ADAM12: variants seen among roughly 807,000 people sequenced by gnomAD.
The protein encoded by ADAM12 is disintegrin and metalloproteinase domain-containing protein 12.
ADAM12 carries 70 observed loss-of-function variants against 106.4 expected under a neutral mutation model. That is an observed-to-expected ratio of 0.66 (90% CI 0.54 to 0.80). The LOEUF (loss-of-function observed/expected upper bound fraction) is 0.80, where lower values mean the gene tolerates loss of function less well. Among genes scored for constraint, ADAM12 ranks in the 30% least tolerant of loss-of-function variants. ADAM12 has a pLI of 0.00. For missense variants in ADAM12, 1,010 were observed against 1,171.9 expected (o/e 0.86, Z 2.02); for synonymous variants, 420 against 433.5 (o/e 0.97, Z 0.39).
chr10:126,192,228 A>G (rs898075242), intron 3 of ADAM12, among the ~76,000 whole-genome samples: 2 of 152,208 alleles, frequency 1.3e-5, no homozygotes, highest in African/African-American at 4.8e-5. Context: ...AAAAATGAGG[A>G]CAATCTTTTT....
chr10:126,387,951 CG>C, intron 1 of ADAM12, 106 bp downstream of exon 1: 1 of 1,157,524 alleles, frequency 8.6e-7, no homozygotes, highest in Non-Finnish European at 1.1e-6. Context: ...GGAGATGCGC[CG>C]GGGCGCGTCG....
At chr10:126,351,197 C>T (rs183005511) in intron 1 of ADAM12, among the ~76,000 whole-genome samples, 2 of 152,188 alleles carry the variant, frequency 1.3e-5, no homozygotes, top group African/African-American at 2.4e-5. Context: ...GCTCCCCCAC[C>T]CCACCCTGCC....
intron 3 of ADAM12, among the ~76,000 whole-genome samples, chr10:126,253,006 C>T (rs1021350016): frequency 3.9e-5 from 6 of 152,152 alleles, no homozygotes; most frequent in African/African-American, 9.7e-5. Context: ...TATGTGCTCT[C>T]GAAACCCTGA....
intron 5 of ADAM12, among the ~76,000 whole-genome samples, chr10:126,122,991 T>A (rs959459507): frequency 6.6e-6 from 1 of 152,268 alleles, no homozygotes. Context: ...TAGCAATTGT[T>A]ACTTAGTCGT....
intron 1 of ADAM12, among the ~76,000 whole-genome samples, chr10:126,332,863 C>A (rs915987834): frequency 6.6e-6 from 1 of 152,304 alleles, no homozygotes; most frequent in Middle Eastern, 3.4e-3. Flanking sequence ...GGGATTCACA[C>A]GTTGGAATGC....
At chr10:126,134,970 G>C (rs1956377984) in intron 5 of ADAM12, among the ~76,000 whole-genome samples, 2 of 152,224 alleles carry the variant, frequency 1.3e-5, no homozygotes, top group Admixed American at 1.3e-4. Flanking sequence ...TTTTCCTGGG[G>C]AGCACATAAG....
At chr10:126,092,282 G>A (rs1275123239) in intron 11 of ADAM12, among the ~76,000 whole-genome samples, 5 of 152,196 alleles carry the variant, frequency 3.3e-5, no homozygotes, top group African/African-American at 1.2e-4. Flanking sequence ...AGTTCATTGA[G>A]AGTGAGAAAA....
At chr10:126,327,923 C>A (rs1400230836) in intron 2 of ADAM12, among the ~76,000 whole-genome samples, 1 of 152,178 alleles carries the variant, frequency 6.6e-6, no homozygotes, top group Non-Finnish European at 1.5e-5. Flanking sequence ...CCGCATCACT[C>A]CAAGTCTGTC....
At chr10:126,305,531 G>A (rs963473530) in intron 2 of ADAM12, among the ~76,000 whole-genome samples, 1 of 152,094 alleles carries the variant, frequency 6.6e-6, no homozygotes, top group African/African-American at 2.4e-5. Context: ...TTTTTGGGAT[G>A]AGGGAAATAT....
intron 3 of ADAM12, among the ~76,000 whole-genome samples, chr10:126,209,154 G>C (rs1369339015): frequency 1.3e-5 from 2 of 152,210 alleles, no homozygotes; most frequent in Non-Finnish European, 2.9e-5. Flanking sequence ...TATCAACATA[G>C]GAGGGATATT....
chr10:126,125,446 T>C (rs747473077), intron 5 of ADAM12, among the ~76,000 whole-genome samples: 2 of 152,062 alleles, frequency 1.3e-5, no homozygotes, highest in Non-Finnish European at 2.9e-5. Flanking sequence ...GGTTTCACCA[T>C]GTTGGCCAGG....
intron 21 of ADAM12, among the ~76,000 whole-genome samples, chr10:126,030,814 G>T (rs1953959073): frequency 6.6e-6 from 1 of 152,170 alleles, no homozygotes; most frequent in South Asian, 2.1e-4. Context: ...CAAGACCTTG[G>T]TAGCTGTGTT....
chr10:126,128,797 A>G (rs1956252699), intron 5 of ADAM12, among the ~76,000 whole-genome samples: 1 of 125,340 alleles, frequency 8.0e-6, no homozygotes, highest in African/African-American at 3.1e-5. Flanking sequence ...CGCGTGTCGG[A>G]ATGTGTGCAA....
rs542324506 is a variant in ADAM12 at position 126,074,089 on chromosome 10, G to A, written c.1146-2435C>T. The stretch of plus-strand genomic sequence containing the variant: ...ATATATGTCTCCAGGCCTGATCTAG[G>A]AGATGAAACATCATTCTCACTCAGT... On this transcript the variant is annotated intron_variant, in intron 11 of 22. Transcript: ENST00000448723. Among the ~76,000 whole-genome samples the A allele has an allele frequency of 2.7e-3, 412 of 152,278 alleles. 1 individual carries two copies. Among genetic ancestry groups the A allele is most frequent in the Non-Finnish European group, 4.8e-3 (325 of 68,012 alleles).
At chr10:126,067,964 A>G (rs1022108544) in intron 12 of ADAM12, among the ~76,000 whole-genome samples, 1 of 152,196 alleles carries the variant, frequency 6.6e-6, no homozygotes, top group African/African-American at 2.4e-5. Context: ...TACTGAAACT[A>G]TATCCTATGT....
chr10:126,066,674 C>T lies in ADAM12; in HGVS notation c.1413+43G>A, dbSNP rs1199772570. 6.3e-7 allele frequency: 1 copy of T among 1,588,294 alleles called. No individual in the cohort carries two copies. Among genetic ancestry groups the T allele is most frequent in the Admixed American group, 1.7e-5 (1 of 59,968 alleles). ...TGCATCAGATCTGAACCACCTGAAC[C>T]TGTTGGCGACCTGGGGGTCAAGTTG... On this transcript the variant is annotated intron_variant, in intron 13 of 22. Coordinates refer to ENST00000448723, the MANE Select transcript of ADAM12 (RefSeq NM_001288973.2). This position sits in a 1 kb window ranked among gnomAD's most constrained non-coding sequence, Gnocchi z 5.1.
chr10:126,107,808 C>T (rs1018382831), intron 8 of ADAM12, among the ~76,000 whole-genome samples: 1 of 152,162 alleles, frequency 6.6e-6, no homozygotes, highest in Non-Finnish European at 1.5e-5. Flanking sequence ...CAGAAGCTCA[C>T]AGGGCAACTC....
intron 1 of ADAM12, among the ~76,000 whole-genome samples, chr10:126,352,600 T>C (rs3892767): frequency 0.15 from 23,436 of 152,202 alleles, 2,149 homozygotes; most frequent in Middle Eastern, 0.28. Flanking sequence ...TGCATGTAAT[T>C]ACTTAATGGC....
chr10:126,061,911 C>T (rs1182587277), intron 14 of ADAM12, among the ~76,000 whole-genome samples: 1 of 152,178 alleles, frequency 6.6e-6, no homozygotes, highest in East Asian at 1.9e-4. Flanking sequence ...GAAACTCACA[C>T]AGCGCCTGTA....
Sources: allele counts gnomAD v4.1 joint callset (sites outside exome capture counted in the v4.1 genomes callset), GRCh38; gene constraint gnomAD v4.1.1; non-coding constraint Gnocchi (gnomAD v3.1); transcripts MANE v1.5; gene names NCBI Gene and HGNC (gene_info 2026-07-23, HGNC 2026-07-21).